CTNNA2: variants seen among roughly 807,000 people sequenced by gnomAD.
CTNNA2 encodes catenin alpha-2.
A neutral mutation model predicts 101.0 loss-of-function variants in CTNNA2; 42 were observed. The ratio of observed to expected loss-of-function variants is 0.42; its 90% CI spans 0.32 to 0.54. CTNNA2 has a LOEUF of 0.54. Among genes scored for constraint, CTNNA2 ranks in the 20% least tolerant of loss-of-function variants. The pLI is 0.14. For missense variants in CTNNA2, 871 were observed against 1,223.1 expected (o/e 0.71, Z 4.29); for synonymous variants, 450 against 456.4 (o/e 0.99, Z 0.18).
chr2:79,678,252 T>C (rs954838966), intron 2 of CTNNA2, among the ~76,000 whole-genome samples: 1 of 152,164 alleles, frequency 6.6e-6, no homozygotes, highest in Non-Finnish European at 1.5e-5. Context: ...AAAAGGTCTC[T>C]ATCCCCATGC....
intron 7 of CTNNA2, among the ~76,000 whole-genome samples, chr2:80,090,051 C>T (rs1207702004): frequency 1.3e-5 from 2 of 151,788 alleles, no homozygotes. Flanking sequence ...AGGGTGTCCT[C>T]AAGAGAGGTC....
At chr2:80,542,019 C>G (rs1691606603) in intron 9 of CTNNA2, among the ~76,000 whole-genome samples, 1 of 151,064 alleles carries the variant, frequency 6.6e-6, no homozygotes, top group East Asian at 1.9e-4. Context: ...ACATTTCTAC[C>G]CATTTCCCCA....
At position 79,436,089 on chromosome 2, in the gene CTNNA2, T is replaced by A. The variant is rs1678710101; in HGVS notation, c.-135+62076T>A. On this transcript the variant is annotated intron_variant, in intron 4 of 21. Transcript: ENST00000466387. ...GGGCAGAACCAGGAATCTACATTTT[T>A]AACAAGCACCACAGGCTTTTCTGAT... Among the ~76,000 whole-genome samples, 4 of 152,268 alleles carry A rather than the reference T, an allele frequency of 2.6e-5. 1 individual carries two copies. The South Asian group carries it at 8.3e-4, about 32-fold the overall frequency.
In CTNNA2 at chr2:79,734,981, A is replaced by G. The variant is rs112063939; in HGVS notation, c.103-9406A>G. ...TCCCATTGAGGTAAGTGGTATCACA[A>G]TAAGTCAGTAGAAACACTTTTACCA... On this transcript the variant is annotated intron_variant, in intron 2 of 18. Coordinates refer to ENST00000402739, the MANE Select transcript of CTNNA2 (RefSeq NM_001282597.3). Among the ~76,000 whole-genome samples the G allele has an allele frequency of 7.2e-4, 110 of 152,260 alleles. 2 individuals are homozygous for G. Among genetic ancestry groups the G allele is most frequent in the African/African-American group, 2.5e-3 (104 of 41,572 alleles).
chr2:80,167,349 T>A (rs1704769221), intron 7 of CTNNA2, among the ~76,000 whole-genome samples: 1 of 152,216 alleles, frequency 6.6e-6, no homozygotes, highest in African/African-American at 2.4e-5. Flanking sequence ...AAGGTTATTT[T>A]ATCAAAAAGT....
chr2:80,563,060 A>T, intron 12 of CTNNA2, among the ~76,000 whole-genome samples: 1 of 146,160 alleles, frequency 6.8e-6, no homozygotes, highest in African/African-American at 2.6e-5. Context: ...AAAAAAAAAA[A>T]AAGAAAGACA....
intron 7 of CTNNA2, among the ~76,000 whole-genome samples, chr2:80,119,625 T>A (rs1185840872): frequency 6.6e-6 from 1 of 152,234 alleles, no homozygotes; most frequent in Non-Finnish European, 1.5e-5. Context: ...AGGAAGTTCA[T>A]GCAAGATAAT....
At chr2:79,333,629 C>T (rs1019769159) in intron 3 of CTNNA2, among the ~76,000 whole-genome samples, 6 of 151,868 alleles carry the variant, frequency 4.0e-5, no homozygotes, top group African/African-American at 1.5e-4. Context: ...AATATTTTTC[C>T]TAAATATCTT....
At chr2:80,642,873 C>T (rs1305296003) in intron 18 of CTNNA2, among the ~76,000 whole-genome samples, 1 of 151,956 alleles carries the variant, frequency 6.6e-6, no homozygotes, top group Non-Finnish European at 1.5e-5. Flanking sequence ...GTCTTTCTGC[C>T]CATTCAAAAC....
intron 7 of CTNNA2, among the ~76,000 whole-genome samples, chr2:80,194,803 A>C (rs1025323951): frequency 2.0e-5 from 3 of 150,616 alleles, no homozygotes; most frequent in Non-Finnish European, 4.4e-5. Context: ...TGCTATATAC[A>C]TCTGTGTTTT....
chr2:80,554,852 G>A (rs148518244), intron 11 of CTNNA2, among the ~76,000 whole-genome samples: 1 of 152,224 alleles, frequency 6.6e-6, no homozygotes, highest in East Asian at 1.9e-4. Flanking sequence ...GAATGCACAA[G>A]GAATAGAATT....
At chr2:80,438,023 A>C (rs1296705865) in intron 9 of CTNNA2, among the ~76,000 whole-genome samples, 1 of 152,148 alleles carries the variant, frequency 6.6e-6, no homozygotes, top group Non-Finnish European at 1.5e-5. Flanking sequence ...CAAACAAACA[A>C]ACAAACAAAA....
intron 3 of CTNNA2, among the ~76,000 whole-genome samples, chr2:79,824,450 T>A (rs1678256406): frequency 6.6e-6 from 1 of 151,932 alleles, no homozygotes; most frequent in East Asian, 1.9e-4. Context: ...AGACATCAGT[T>A]TGAGAACAGT....
intron 7 of CTNNA2, among the ~76,000 whole-genome samples, chr2:80,211,315 G>T (rs904936726): frequency 2.6e-5 from 4 of 152,146 alleles, no homozygotes; most frequent in African/African-American, 9.7e-5. Context: ...GAATGGTATT[G>T]CCTAGGTTTT....
At chr2:80,564,318 C>G (rs773225865) in intron 12 of CTNNA2, among the ~76,000 whole-genome samples, 4 of 152,118 alleles carry the variant, frequency 2.6e-5, no homozygotes, top group Non-Finnish European at 5.9e-5. Context: ...CCTTAAGTTT[C>G]AGAATTAAAT....
At chr2:80,327,822 T>A (rs1173958525) in intron 7 of CTNNA2, among the ~76,000 whole-genome samples, 1 of 152,242 alleles carries the variant, frequency 6.6e-6, no homozygotes, top group Non-Finnish European at 1.5e-5. Flanking sequence ...ACTTTAGATA[T>A]AACATATGCC....
chr2:79,825,995 C>T (rs1678407938), intron 3 of CTNNA2, among the ~76,000 whole-genome samples: 1 of 152,138 alleles, frequency 6.6e-6, no homozygotes. Context: ...GCCATCACCT[C>T]TTTTTGCATT....
intron 1 of CTNNA2, among the ~76,000 whole-genome samples, chr2:79,643,775 G>A (rs572487661): frequency 1.4e-4 from 21 of 152,142 alleles, no homozygotes; most frequent in Admixed American, 1.2e-3. Flanking sequence ...ATTTAGGCTG[G>A]TGACTGAATT....
At chr2:79,910,358 A>G (rs1483921634) in intron 7 of CTNNA2, among the ~76,000 whole-genome samples, 1 of 152,204 alleles carries the variant, frequency 6.6e-6, no homozygotes, top group Non-Finnish European at 1.5e-5. Context: ...TCAAATAGGT[A>G]TGTATGACTG....
Sources: allele counts gnomAD v4.1 joint callset (sites outside exome capture counted in the v4.1 genomes callset), GRCh38; gene constraint gnomAD v4.1.1; transcripts MANE v1.5; gene names NCBI Gene and HGNC (gene_info 2026-07-23, HGNC 2026-07-21).